The following ACOT11 variants were observed in gnomAD, a reference collection of about 807,000 sequenced individuals.
The protein encoded by ACOT11 is acyl-coenzyme A thioesterase 11.
Under a neutral mutation model 77.5 loss-of-function variants are expected in ACOT11, and 69 were observed. The observed-to-expected ratio is 0.89, with a 90% CI of 0.73 to 1.09. The LOEUF is 1.09. Ranked by LOEUF, ACOT11 falls within the 50% of genes least tolerant of loss-of-function variation. The pLI is 0.00. For missense variants in ACOT11, 766 were observed against 813.7 expected (o/e 0.94, Z 0.71); for synonymous variants, 279 against 313.0 (o/e 0.89, Z 1.15).
intron 12 of ACOT11, 100 bp downstream of exon 12, chr1:54,604,529 G>A: frequency 1.8e-6 from 2 of 1,133,782 alleles, no homozygotes; most frequent in Non-Finnish European, 2.6e-6. Flanking sequence ...GTCAAAAAAA[G>A]ATCTCTTCAA....
intron 1 of ACOT11, among the ~76,000 whole-genome samples, chr1:54,572,070 G>A (rs1445019877): frequency 1.3e-5 from 2 of 151,884 alleles, no homozygotes; most frequent in East Asian, 3.9e-4. Flanking sequence ...TGCACAGTGG[G>A]GGAGGTCTGG....
At chr1:54,577,983 G>A (rs1378521279) in intron 1 of ACOT11, among the ~76,000 whole-genome samples, 2 of 152,146 alleles carry the variant, frequency 1.3e-5, no homozygotes, top group Admixed American at 6.5e-5. Flanking sequence ...GATCCCTCTC[G>A]GGGCTGCATG....
intron 1 of ACOT11, among the ~76,000 whole-genome samples, chr1:54,564,710 G>A (rs1653674299): frequency 6.6e-6 from 1 of 152,218 alleles, no homozygotes; most frequent in Non-Finnish European, 1.5e-5. Flanking sequence ...GGAGGGACAA[G>A]TGGGAGGTCC....
chr1:54,617,174 C>T (rs1042978461), intron 15 of ACOT11, among the ~76,000 whole-genome samples: 6 of 152,168 alleles, frequency 3.9e-5, no homozygotes, highest in Non-Finnish European at 8.8e-5. Context: ...TTCCTGCCTT[C>T]AAGAATTCAG....
chr1:54,581,629 G>T (rs1324535642), intron 1 of ACOT11, among the ~76,000 whole-genome samples: 2 of 152,044 alleles, frequency 1.3e-5, no homozygotes, highest in Non-Finnish European at 2.9e-5. Flanking sequence ...CCAGCACTTG[G>T]CACAGCTGCT....
At chr1:54,625,407 T>C (rs1644265844) in intron 15 of ACOT11, among the ~76,000 whole-genome samples, 1 of 152,162 alleles carries the variant, frequency 6.6e-6, no homozygotes. Context: ...CCCTTTCTTA[T>C]TGGGGCTGCT....
In ACOT11 at chr1:54,599,387, G is replaced by A; in HGVS notation, c.856G>A (p.Ala286Thr). Residue 286 changes from alanine to threonine, a missense_variant, in exon 8 of 16, where the codon GCC (alanine) becomes ACC (threonine). Transcript: ENST00000343744. ...GGTCGGCGACCGTCTGGTGCTCAAAGCCATCGTGAACAATGCCTTCAAACA... is the reference window on the plus strand; with the variant it reads ...GGTCGGCGACCGTCTGGTGCTCAAAACCATCGTGAACAATGCCTTCAAACA... ...SQVGDRLVLKAIVNNAFKHSM... is the reference protein window; with the variant it reads ...SQVGDRLVLKTIVNNAFKHSM... The A allele has an allele frequency of 6.2e-7, 1 of 1,607,234 alleles. No homozygotes were observed. Among genetic ancestry groups the A allele is most frequent in the Non-Finnish European group, 8.5e-7 (1 of 1,176,836 alleles).
rs79730606 is a variant in ACOT11 at position 54,558,083 on chromosome 1, C to T, written c.33+9741C>T. Among the ~76,000 whole-genome samples the T allele has an allele frequency of 4.1e-4, 62 of 152,282 alleles. No individual in the cohort carries two copies. In the East Asian group the frequency reaches 0.011, roughly 28 times the overall value. The stretch of plus-strand genomic sequence containing the variant: ...TCTGTCCCTAGAGTTAATGACGTCT[C>T]CTCAGGATGTTGTATATACTTCACT... On this transcript the variant is annotated intron_variant, in intron 1 of 15. Coordinates refer to ENST00000343744, the MANE Select transcript of ACOT11 (RefSeq NM_147161.4).
intron 15 of ACOT11, 124 bp from the exon 16 acceptor site, chr1:54,608,833 A>G: frequency 1.1e-6 from 1 of 935,938 alleles, no homozygotes; most frequent in Non-Finnish European, 1.7e-6. Context: ...TGGGTTGAAT[A>G]TTCTGCCCTC....
rs968186695 is a variant in ACOT11 at position 54,627,317 on chromosome 1, C to T, written c.1630-3417C>T. On this transcript the variant is annotated intron_variant, in intron 15 of 16. Coordinates refer to the ACOT11 transcript ENST00000371316. ...AGCCGAGCTCTGAGGCACAGAGCTT[C>T]GCCACTCTCTTGGTTCCAAAGAGCT... Among the ~76,000 whole-genome samples the T allele has an allele frequency of 3.0e-5, 4 of 134,854 alleles. 1 individual carries two copies. The highest frequency in any genetic ancestry group is 7.6e-5 in the Admixed American group (1 of 13,186). The allele number at this position is 134,854 out of a possible 152,430, so 88.5% of individuals were successfully genotyped here.
intron 1 of ACOT11, among the ~76,000 whole-genome samples, chr1:54,553,220 A>T (rs904258331): frequency 1.1e-4 from 16 of 151,052 alleles, no homozygotes; most frequent in South Asian, 2.1e-4. Context: ...TCATTAAAAA[A>T]TTTTTTTTTA....
chr1:54,623,281 G>C, intron 15 of ACOT11: 2 of 1,612,708 alleles, frequency 1.2e-6, no homozygotes, highest in South Asian at 1.1e-5. Flanking sequence ...CACCTACCTG[G>C]CCGCCGCAGG....
intron 15 of ACOT11, chr1:54,615,954 C>T (rs914713537): frequency 6.5e-7 from 1 of 1,550,096 alleles, no homozygotes; most frequent in African/African-American, 1.4e-5. Flanking sequence ...AGTGAGGGAT[C>T]TCTGCACATG....
At position 54,610,231 on chromosome 1, in the gene ACOT11, C is replaced by T; in HGVS notation, c.*1119C>T. On this transcript the variant is annotated 3_prime_UTR_variant, in exon 16 of 16. Coordinates refer to ENST00000343744, the MANE Select transcript of ACOT11 (RefSeq NM_147161.4). Reference sequence around the variant, plus strand: ...AGGACTGGTCTGAAGGCCAGGAGCCCTGTGCTCTTGACATCACTGTACTCC... The same window carrying T: ...AGGACTGGTCTGAAGGCCAGGAGCCTTGTGCTCTTGACATCACTGTACTCC... 1 of 1,441,372 alleles carries T rather than the reference C, an allele frequency of 6.9e-7. No homozygotes were observed. The highest frequency in any genetic ancestry group is 9.1e-7 in the Non-Finnish European group (1 of 1,103,302). 89.3% of individuals were successfully genotyped at this position (1,441,372 alleles called of 1,614,324 possible). A position where few individuals can be genotyped will look rare whatever the true frequency, so the allele number is the denominator to read the frequency against.
At chr1:54,596,164 C>G (rs923668868) in intron 6 of ACOT11, among the ~76,000 whole-genome samples, 3 of 152,234 alleles carry the variant, frequency 2.0e-5, no homozygotes, top group Admixed American at 6.5e-5. Flanking sequence ...TGTCTCTTGA[C>G]CTGCTGCAGC....
chr1:54,605,088 A>G lies in ACOT11; in HGVS notation c.1249A>G (p.Thr417Ala), dbSNP rs142298471. The G allele has an allele frequency of 3.8e-5, 61 of 1,613,424 alleles. No individual in the cohort carries two copies. Among genetic ancestry groups the G allele is most frequent in the Non-Finnish European group, 5.2e-5 (61 of 1,179,940 alleles). The stretch of plus-strand genomic sequence containing the variant: ...CTATCCCATGCAGGTCCGCCTGTAC[A>G]CTCTGGAGGATGACAAGTTCCTCTC... ...SSEISQVRLY[T>A]LEDDKFLSFH... is the part of the protein sequence containing the mutation. Residue 417 changes from threonine (T) to alanine (A), a missense_variant, in exon 13 of 16, where the codon ACT becomes GCT. By Grantham distance (58) the Thr-to-Ala change is moderately conservative. Transcript: ENST00000343744.
At chr1:54,620,032 T>G in intron 15 of ACOT11, 2 of 1,611,764 alleles carry the variant, frequency 1.2e-6, no homozygotes, top group Non-Finnish European at 1.7e-6. Flanking sequence ...AAGGGGCTGT[T>G]AGCGTCTGTC....
intron 15 of ACOT11, among the ~76,000 whole-genome samples, chr1:54,625,941 A>G (rs1381806625): frequency 4.1e-5 from 6 of 145,244 alleles, no homozygotes; most frequent in Non-Finnish European, 6.1e-5. Flanking sequence ...CTCTGTCTCA[A>G]AAAAAAAAAA....
At chr1:54,612,135 TA>T (rs991442974), downstream of ACOT11, among the ~76,000 whole-genome samples, 1 of 151,408 alleles carries the variant, frequency 6.6e-6, no homozygotes, top group Non-Finnish European at 1.5e-5. Context: ...GGGGAGTCTC[TA>T]AATTCCTATA....
Sources: gnomAD v4.1 joint callset for allele counts (sites outside exome capture counted in the v4.1 genomes callset) on GRCh38, gnomAD v4.1.1 for gene constraint, MANE v1.5 for transcripts, NCBI Gene and HGNC (gene_info 2026-07-23, HGNC 2026-07-21) for gene names.